Variants in TRRAP observed in about 807,000 individuals in gnomAD.
The protein encoded by TRRAP is transformation/transcription domain associated protein, also known as transformation/transcription domain-associated protein.
A neutral mutation model predicts 438.8 loss-of-function variants in TRRAP; 41 were observed. The ratio of observed to expected loss-of-function variants is 0.09; its 90% CI spans 0.07 to 0.12. The LOEUF is 0.12. Among genes scored for constraint, TRRAP ranks in the 10% least tolerant of loss-of-function variants. The pLI is 1.00. For synonymous variants in TRRAP, 1,994 were observed against 1,962.9 expected, an observed-to-expected ratio of 1.02 and a Z score of -0.42; for missense variants, 3,122 against 5,055.1, an observed-to-expected ratio of 0.62 and a Z score of 11.60.
In TRRAP at chr7:98,971,921, T is replaced by C. The variant is rs763136130; in HGVS notation, c.7815T>C (p.Phe2605=). Residue 2605 remains phenylalanine (F), a synonymous_variant, in exon 53 of 73, where the codon TTT becomes TTC. Transcript: ENST00000456197. The part of the protein sequence containing the change: ...LHMLTNRHDK[F]LDTLREVKTG... ...TGCTAACCAACAGGCACGACAAGTT[T>C]CTGGACACTCTCCGAGAGGTGAAGG... 2.6e-5 allele frequency: 42 copies of C among 1,614,110 alleles called. No individual in the cohort carries two copies. Among genetic ancestry groups the C allele is most frequent in the Non-Finnish European group, 3.6e-5 (42 of 1,180,046 alleles).
chr7:98,968,403 C>T (rs1364318524), intron 51 of TRRAP, among the ~76,000 whole-genome samples: 1 of 152,162 alleles, frequency 6.6e-6, no homozygotes, highest in African/African-American at 2.4e-5. Context: ...TGTGAGGAGT[C>T]GGGTGCTGGC....
intron 11 of TRRAP, among the ~76,000 whole-genome samples, chr7:98,901,185 T>G (rs1796451647): frequency 6.6e-6 from 1 of 152,272 alleles, no homozygotes; most frequent in African/African-American, 2.4e-5. Flanking sequence ...GCTGGAAGTC[T>G]GAGATCAAGG....
chr7:98,913,790 A>G (rs145469941), intron 18 of TRRAP, among the ~76,000 whole-genome samples: 123 of 152,336 alleles, frequency 8.1e-4, no homozygotes, highest in Non-Finnish European at 1.5e-3. Flanking sequence ...CTCATCTGTT[A>G]TTTGAGTCTA....
chr7:98,885,389 C>T (rs1554403800), intron 3 of TRRAP, among the ~76,000 whole-genome samples: 2 of 151,722 alleles, frequency 1.3e-5, no homozygotes, highest in Non-Finnish European at 2.9e-5. Flanking sequence ...GCCAACATTT[C>T]TTTTTTTTAA....
At chr7:98,977,844 C>G (rs1333894215) in intron 56 of TRRAP, among the ~76,000 whole-genome samples, 2 of 152,254 alleles carry the variant, frequency 1.3e-5, no homozygotes, top group Non-Finnish European at 2.9e-5. Context: ...GCCTCTCCTC[C>G]TTCCATTCTG....
chr7:98,947,299 C>T (rs1424368264), intron 33 of TRRAP, among the ~76,000 whole-genome samples: 6 of 152,194 alleles, frequency 3.9e-5, no homozygotes, highest in African/African-American at 1.2e-4. Flanking sequence ...TTTAATTCAG[C>T]GGAGCAGTTT....
chr7:98,922,891 G>A (rs1554410859), intron 21 of TRRAP, among the ~76,000 whole-genome samples: 2 of 152,126 alleles, frequency 1.3e-5, no homozygotes, highest in African/African-American at 4.8e-5. Context: ...TGTAGAAGAC[G>A]TGTGCCCATG....
chr7:99,004,472 C>A, intron 68 of TRRAP, 57 bp downstream of exon 68: 1 of 1,492,034 alleles, frequency 6.7e-7, no homozygotes, highest in Non-Finnish European at 9.2e-7. Context: ...GACATGGAGC[C>A]CCATGGGAGC....
At chr7:98,945,454 A>G (rs1370675886) in intron 31 of TRRAP, among the ~76,000 whole-genome samples, 1 of 152,196 alleles carries the variant, frequency 6.6e-6, no homozygotes, top group Non-Finnish European at 1.5e-5. Context: ...TGCATACAAC[A>G]AGGTCTTCCA....
At chr7:98,975,861 G>A in intron 53 of TRRAP, 1 of 316,102 alleles carries the variant, frequency 3.2e-6, no homozygotes, top group Non-Finnish European at 5.8e-6. Flanking sequence ...CTTGGATATG[G>A]TGGGATCAGT....
intron 70 of TRRAP, among the ~76,000 whole-genome samples, chr7:99,009,829 C>T (rs774581020): frequency 5.3e-5 from 8 of 151,868 alleles, no homozygotes; most frequent in Non-Finnish European, 8.8e-5. Flanking sequence ...GCTTCAGAGC[C>T]GCTTCCTCCT....
intron 22 of TRRAP, 138 bp downstream of exon 22, chr7:98,925,401 T>A: frequency 8.0e-7 from 1 of 1,245,872 alleles, no homozygotes. Context: ...TACCTACTCC[T>A]TCTTGTTGGG....
chr7:98,934,759 A>G (rs1408576349), intron 27 of TRRAP, among the ~76,000 whole-genome samples: 1 of 152,114 alleles, frequency 6.6e-6, no homozygotes, highest in Non-Finnish European at 1.5e-5. Flanking sequence ...CTCTCTCTCC[A>G]TACCTGCACG....
At chr7:98,879,476 A>G (rs936982068) in intron 1 of TRRAP, among the ~76,000 whole-genome samples, 1 of 150,984 alleles carries the variant, frequency 6.6e-6, no homozygotes, top group Non-Finnish European at 1.5e-5. Context: ...GGGGATGGGC[A>G]AGGAGAGACC....
chr7:98,958,164 T>C (rs900638803), intron 44 of TRRAP, 73 bp downstream of exon 44: 18 of 1,303,422 alleles, frequency 1.4e-5, no homozygotes, highest in Admixed American at 4.9e-5. Flanking sequence ...CAGGAGGTTA[T>C]CTGTGGCAAT....
intron 58 of TRRAP, among the ~76,000 whole-genome samples, 171 bp from the exon 59 acceptor site, chr7:98,981,598 A>AACAT: frequency 1.3e-5 from 2 of 152,244 alleles, no homozygotes; most frequent in South Asian, 4.1e-4. Flanking sequence ...TATCCAGAAA[A>AACAT]GACTGTGTAA....
rs578045047 is a variant in TRRAP, at chr7:98,964,526, A to G, written c.6830-103A>G. On this transcript the variant is annotated intron_variant, in intron 47 of 72. Transcript: ENST00000456197. The stretch of plus-strand genomic sequence containing the variant: ...CACAGTGTTGACACTGGGATTAACT[A>G]TGCTTTTGTCAGAATACATTGTTTT... 20 of 1,384,196 alleles carry G rather than the reference A, an allele frequency of 1.4e-5. No individual in the cohort carries two copies. The East Asian group carries it at 2.6e-4, about 18-fold the overall frequency. The allele number at this position is 1,384,196 out of a possible 1,614,324, so 85.7% of individuals were successfully genotyped here. A position where few individuals can be genotyped will look rare whatever the true frequency, so the allele number is the denominator to read the frequency against.
intron 30 of TRRAP, among the ~76,000 whole-genome samples, chr7:98,942,331 T>TC (rs1790833268): frequency 6.6e-6 from 1 of 152,108 alleles, no homozygotes; most frequent in Non-Finnish European, 1.5e-5. Context: ...TGCCCACTGC[T>TC]CCCCCGCGTG....
chr7:98,957,480 C>G (rs1791671407), intron 43 of TRRAP, among the ~76,000 whole-genome samples: 1 of 152,126 alleles, frequency 6.6e-6, no homozygotes, highest in African/African-American at 2.4e-5. Context: ...GTTGCCATTC[C>G]CCTTGCTTGA....
Sources: gnomAD v4.1 joint callset for allele counts (sites outside exome capture counted in the v4.1 genomes callset) on GRCh38, gnomAD v4.1.1 for gene constraint, MANE v1.5 for transcripts, NCBI Gene and HGNC (gene_info 2026-07-23, HGNC 2026-07-21) for gene names.